Variants in ZFYVE26 observed in about 807,000 individuals in gnomAD.
The protein encoded by ZFYVE26 is zinc finger FYVE domain-containing protein 26.
Under a neutral mutation model 276.5 loss-of-function variants are expected in ZFYVE26, and 181 were observed. The ratio of observed to expected loss-of-function variants is 0.65; its 90% CI spans 0.58 to 0.74. ZFYVE26 has a LOEUF of 0.74. Ranked by LOEUF, ZFYVE26 falls within the 30% of genes least tolerant of loss-of-function variation. The pLI is 0.00. For missense variants in ZFYVE26, 2,821 were observed against 3,097.9 expected (o/e 0.91, Z 2.12); for synonymous variants, 1,129 against 1,203.1 (o/e 0.94, Z 1.27).
At chr14:67,744,850 T>G (rs2038462526), downstream of ZFYVE26, among the ~76,000 whole-genome samples, 1 of 152,216 alleles carries the variant, frequency 6.6e-6, no homozygotes, top group African/African-American at 2.4e-5. Flanking sequence ...TCTTTGCTAT[T>G]ATAAATAATG....
chr14:67,810,176 G>A (rs776992543), intron 3 of ZFYVE26, among the ~76,000 whole-genome samples: 1 of 152,210 alleles, frequency 6.6e-6, no homozygotes, highest in Non-Finnish European at 1.5e-5. Flanking sequence ...TCAGCCGTAA[G>A]TTCCAAGGTT....
Position 67,789,679 on chromosome 14 carries a change from T to G in ZFYVE26, c.2756-81A>C, listed in dbSNP as rs540229143. ...CTTTTATTAGGTAAAGTAGTTACTTTCAAAATGTTTGAGGTTCATCTGCAC... is the reference window on the plus strand; with the variant it reads ...CTTTTATTAGGTAAAGTAGTTACTTGCAAAATGTTTGAGGTTCATCTGCAC... On this transcript the variant is annotated intron_variant, in intron 15 of 41. Coordinates refer to ENST00000347230, the MANE Select transcript of ZFYVE26 (RefSeq NM_015346.4). 3.8e-6 allele frequency: 6 copies of G among 1,588,674 alleles called. No individual in the cohort carries two copies. In the East Asian group the frequency reaches 1.3e-4, roughly 35 times the overall value.
intron 4 of ZFYVE26, 90 bp from the exon 5 acceptor site, chr14:67,808,010 A>G: frequency 2.0e-6 from 3 of 1,475,762 alleles, no homozygotes; most frequent in Non-Finnish European, 2.8e-6. Flanking sequence ...TTTTCAGTTT[A>G]CTTATATAAT....
At position 67,805,609 on chromosome 14, in the gene ZFYVE26, G is replaced by A; in HGVS notation, c.1027C>T (p.Leu343=). The A allele has an allele frequency of 6.2e-7, 1 of 1,614,022 alleles. No individual in the cohort carries two copies. The highest frequency in any genetic ancestry group is 8.5e-7 in the Non-Finnish European group (1 of 1,180,036). The part of the protein sequence containing the change: ...HFLEQILVTA[L]TLLKEEDFPN... The stretch of plus-strand genomic sequence containing the variant: ...AAGTCTTCTTCTTTCAACAATGTTA[G>A]TGCTGTTACCTGTAAGTCAAAGAAA... Residue 343 remains leucine (L), a synonymous_variant, in exon 7 of 42, where the codon CTA becomes TTA. Coordinates refer to ENST00000347230, the MANE Select transcript of ZFYVE26 (RefSeq NM_015346.4).
At chr14:67,801,254 G>T (rs938423893) in intron 10 of ZFYVE26, among the ~76,000 whole-genome samples, 4 of 136,516 alleles carry the variant, frequency 2.9e-5, no homozygotes, top group Non-Finnish European at 6.4e-5. Flanking sequence ...CTGTCTCAAA[G>T]AAAAAAAAAA....
intron 13 of ZFYVE26, among the ~76,000 whole-genome samples, chr14:67,731,467 A>G (rs987018077): frequency 2.5e-4 from 38 of 151,390 alleles, no homozygotes; most frequent in African/African-American, 9.0e-4. Context: ...CGCCCACCTC[A>G]GCCTCCCAAA....
At chr14:67,753,422 C>G (rs2038700479) in intron 39 of ZFYVE26, among the ~76,000 whole-genome samples, 2 of 152,238 alleles carry the variant, frequency 1.3e-5, no homozygotes. Flanking sequence ...TGAGAACCAG[C>G]AGTGTTTCTC....
At chr14:67,813,309 G>C (rs979035333) in intron 3 of ZFYVE26, among the ~76,000 whole-genome samples, 1 of 152,024 alleles carries the variant, frequency 6.6e-6, no homozygotes, top group African/African-American at 2.4e-5. Context: ...TGTGTCCTTG[G>C]GCCAGTCATT....
intron 3 of ZFYVE26, among the ~76,000 whole-genome samples, chr14:67,810,920 G>C (rs564840847): frequency 1.4e-4 from 21 of 152,284 alleles, no homozygotes; most frequent in African/African-American, 5.1e-4. Flanking sequence ...GTACATGAGT[G>C]AGGAGAGTTT....
At chr14:67,794,934 G>A (rs1330141652) in intron 12 of ZFYVE26, among the ~76,000 whole-genome samples, 1 of 152,118 alleles carries the variant, frequency 6.6e-6, no homozygotes, top group Non-Finnish European at 1.5e-5. Flanking sequence ...GGGTGACAGA[G>A]CAAGACCCTA....
Position 67,752,501 on chromosome 14 carries a change from G to T in ZFYVE26, c.7214C>A (p.Thr2405Asn). The T allele has an allele frequency of 1.2e-6, 2 of 1,614,174 alleles. No homozygotes were observed. The highest frequency in any genetic ancestry group is 1.7e-6 in the Non-Finnish European group (2 of 1,180,034). Reference protein sequence around the residue: ...LQDFQLDAAMTYCRAARQLVE... With the variant: ...LQDFQLDAAMNYCRAARQLVE... ...CAACTGGCGGGCAGCTCTGCAGTAG[G>T]TCATGGCAGCATCCAGCTGGAAGTC... The change falls in exon 40 of 42, where the codon ACC (threonine) becomes AAC (asparagine). Residue 2405 changes from threonine to asparagine, a missense_variant. Coordinates refer to ENST00000347230, the MANE Select transcript of ZFYVE26 (RefSeq NM_015346.4).
intron 13 of ZFYVE26, among the ~76,000 whole-genome samples, chr14:67,740,206 A>T (rs1286281050): frequency 1.3e-5 from 2 of 152,212 alleles, no homozygotes; most frequent in African/African-American, 4.8e-5. Context: ...TAAAATCACT[A>T]TGTTGTTATA....
chr14:67,735,685 G>A (rs2038344057), intron 13 of ZFYVE26, among the ~76,000 whole-genome samples: 1 of 152,150 alleles, frequency 6.6e-6, no homozygotes, highest in South Asian at 2.1e-4. Flanking sequence ...TTCTCTAACT[G>A]CCCCAGTTCC....
chr14:67,738,092 A>G (rs1002379175), intron 13 of ZFYVE26, among the ~76,000 whole-genome samples: 1 of 152,028 alleles, frequency 6.6e-6, no homozygotes, highest in African/African-American at 2.4e-5. Context: ...CTTAGCAAAT[A>G]TTGGCAAAAA....
chr14:67,742,838 C>CT (rs71446342), downstream of ZFYVE26, among the ~76,000 whole-genome samples: 6 of 89,756 alleles, frequency 6.7e-5, no homozygotes, highest in African/African-American at 2.8e-4. Flanking sequence ...TCTTCTTCTT[C>CT]TTTTTTTTTT....
In ZFYVE26 at chr14:67,752,461, C is replaced by T; in HGVS notation, c.7254G>A (p.Lys2418=). The change falls in exon 40 of 42, where the codon AAG becomes AAA. Residue 2418 remains lysine (K), a synonymous_variant. Transcript: ENST00000347230. Reference sequence around the variant, plus strand: ...TGAGCAGTTGCTGGATCTCACTGTACTTCTCTTTCTCCACCAACTGGCGGG... The same window carrying T: ...TGAGCAGTTGCTGGATCTCACTGTATTTCTCTTTCTCCACCAACTGGCGGG... ...RAARQLVEKE[K]YSEIQQLLKC... 6.2e-7 allele frequency: 1 copy of T among 1,614,206 alleles called. No individual in the cohort carries two copies. The highest frequency in any genetic ancestry group is 8.5e-7 in the Non-Finnish European group (1 of 1,180,048).
chr14:67,809,406 C>CTATTTTTTTTTTTTTTTTTTTTTTT (rs1566899149), intron 3 of ZFYVE26, 117 bp from the exon 4 acceptor site: 1 of 223,334 alleles, frequency 4.5e-6, no homozygotes, highest in Non-Finnish European at 7.2e-6. Context: ...AGATGAAGCA[C>CTATTTTTTTTTTTTTTTTTTTTTTT]TCTTTTTTTT....
chr14:67,799,363 C>T (rs1017125298), intron 10 of ZFYVE26: 9 of 1,610,434 alleles, frequency 5.6e-6, no homozygotes, highest in African/African-American at 2.7e-5. Context: ...AGGCCTTTGT[C>T]AAAGAATCGA....
In ZFYVE26 at chr14:67,784,443, A is replaced by AG. The variant is rs951824212; in HGVS notation, c.3524-8dup. On this transcript the variant is annotated splice_region_variant and splice_polypyrimidine_tract_variant and intron_variant, in intron 19 of 41. Transcript: ENST00000347230. Reference sequence around the variant, plus strand: ...ACCTTGACCTCCACATGATCTGCAAAGGTAAAGAACATGATCTTTGTTTGC... The same window carrying AG: ...ACCTTGACCTCCACATGATCTGCAAAGGGTAAAGAACATGATCTTTGTTTGC... 3 of 1,612,666 alleles carry AG rather than the reference A, an allele frequency of 1.9e-6. No individual in the cohort carries two copies. The African/African-American group carries it at 4.0e-5, about 22-fold the overall frequency.
Sources: gnomAD v4.1 joint callset for allele counts (sites outside exome capture counted in the v4.1 genomes callset) on GRCh38, gnomAD v4.1.1 for gene constraint, MANE v1.5 for transcripts, NCBI Gene and HGNC (gene_info 2026-07-23, HGNC 2026-07-21) for gene names.